The following PPP1R13B variants were observed in gnomAD, a reference collection of about 807,000 sequenced individuals.
PPP1R13B encodes apoptosis-stimulating of p53 protein 1.
In PPP1R13B, 44 loss-of-function variants were observed where a neutral mutation model predicts 119.8. The observed-to-expected ratio is 0.37, with a 90% CI of 0.29 to 0.47. PPP1R13B has a LOEUF of 0.47. Ranked by LOEUF, PPP1R13B falls within the 20% of genes least tolerant of loss-of-function variation. The probability of loss-of-function intolerance (pLI) is 0.99; values close to 1 mark genes in which losing one functional copy is unlikely to be tolerated. For synonymous variants in PPP1R13B, 542 were observed against 561.5 expected, an observed-to-expected ratio of 0.97 and a Z score of 0.49; for missense variants, 1,227 against 1,413.5, an observed-to-expected ratio of 0.87 and a Z score of 2.12.
chr14:103,733,955 A>ACT lies in PPP1R13B; in HGVS notation c.*1197_*1198dup, dbSNP rs1567074730. 1 of 158,502 alleles carries ACT rather than the reference A, an allele frequency of 6.3e-6. No individual in the cohort carries two copies. The highest frequency in any genetic ancestry group is 1.8e-4 in the East Asian group (1 of 5,512). The allele number at this position is 158,502 out of a possible 1,614,324, so 9.8% of individuals were successfully genotyped here. Reference sequence around the variant, plus strand: ...CACATTTTTACATAAATTACACACGACTCATACATGAAAAATAGAGCCTAA... The same window carrying ACT: ...CACATTTTTACATAAATTACACACGACTCTCATACATGAAAAATAGAGCCTAA... On this transcript the variant is annotated 3_prime_UTR_variant, in exon 17 of 17. Coordinates refer to ENST00000202556, the MANE Select transcript of PPP1R13B (RefSeq NM_015316.3).
At chr14:103,761,621 G>C (rs1406938852) in intron 4 of PPP1R13B, among the ~76,000 whole-genome samples, 1 of 151,962 alleles carries the variant, frequency 6.6e-6, no homozygotes, top group Non-Finnish European at 1.5e-5. Context: ...AAATTAGCCG[G>C]GCATGGTGGC....
intron 1 of PPP1R13B, among the ~76,000 whole-genome samples, chr14:103,819,060 A>G (rs575999719): frequency 6.6e-6 from 1 of 152,318 alleles, no homozygotes; most frequent in South Asian, 2.1e-4. Context: ...AGCTTGAAGG[A>G]AGACCATTCA....
At chr14:103,831,101 G>A (rs1350326747) in intron 1 of PPP1R13B, among the ~76,000 whole-genome samples, 3 of 151,618 alleles carry the variant, frequency 2.0e-5, no homozygotes, top group African/African-American at 2.4e-5. Context: ...GTGCCACCAC[G>A]CCCAGCTGAT....
chr14:103,746,291 T>TTGGGGGGGGGGGGGGGGGGGG, intron 9 of PPP1R13B, 82 bp downstream of exon 9: 2 of 272,100 alleles, frequency 7.4e-6, no homozygotes, highest in East Asian at 9.6e-5. Context: ...CTCAGGAGCC[T>TTGGGGGGGGGGGGGGGGGGGG]GCCCCACCCC....
chr14:103,775,506 C>G (rs180671789), intron 4 of PPP1R13B, among the ~76,000 whole-genome samples: 1 of 152,236 alleles, frequency 6.6e-6, no homozygotes, highest in Non-Finnish European at 1.5e-5. Flanking sequence ...AACTCCTGAC[C>G]TCAGGTGATC....
intron 4 of PPP1R13B, among the ~76,000 whole-genome samples, chr14:103,771,602 C>T (rs912383258): frequency 4.0e-5 from 6 of 151,530 alleles, no homozygotes; most frequent in African/African-American, 1.5e-4. Flanking sequence ...TGCCTCATCC[C>T]CCTGAGTAGT....
Position 103,733,263 on chromosome 14 carries a change from AG to A in PPP1R13B, c.*1890del. On this transcript the variant is annotated 3_prime_UTR_variant, in exon 17 of 17. Transcript: ENST00000202556. ...TTGTCAATACTTAATTGGGGGTGGG[AG>A]AGACTGAGCTACACTACTGCTAAAC... The A allele has an allele frequency of 1.9e-6, 1 of 531,194 alleles. No homozygotes were observed. The highest frequency in any genetic ancestry group is 3.3e-6 in the Non-Finnish European group (1 of 299,458). The allele number at this position is 531,194 out of a possible 1,614,324, so 32.9% of individuals were successfully genotyped here. A position where few individuals can be genotyped will look rare whatever the true frequency, so the allele number is the denominator to read the frequency against.
Position 103,734,851 on chromosome 14 carries a change from AC to A in PPP1R13B, c.*302del, listed in dbSNP as rs774098382. Reference sequence around the variant, plus strand: ...GAGCTTCTGTCTTCACTGGCAACCAACCGGGGGTTATGGGACTTCTTAATGG... The same window carrying A: ...GAGCTTCTGTCTTCACTGGCAACCAACGGGGGTTATGGGACTTCTTAATGG... On this transcript the variant is annotated 3_prime_UTR_variant, in exon 17 of 17. Coordinates refer to ENST00000202556, the MANE Select transcript of PPP1R13B (RefSeq NM_015316.3). The A allele has an allele frequency of 1.0e-4, 50 of 495,338 alleles. No homozygotes were observed. The highest frequency in any genetic ancestry group is 1.9e-4 in the Admixed American group (8 of 41,046). The allele number at this position is 495,338 out of a possible 1,614,324, so 30.7% of individuals were successfully genotyped here.
At chr14:103,838,550 A>C (rs2086830104) in intron 1 of PPP1R13B, among the ~76,000 whole-genome samples, 1 of 152,226 alleles carries the variant, frequency 6.6e-6, no homozygotes, top group African/African-American at 2.4e-5. Flanking sequence ...ACTGAAAACC[A>C]ATGAACTGTA....
At chr14:103,783,819 G>C (rs2085390445) in intron 3 of PPP1R13B, among the ~76,000 whole-genome samples, 1 of 152,174 alleles carries the variant, frequency 6.6e-6, no homozygotes, top group Non-Finnish European at 1.5e-5. Context: ...TCAAAGTGCT[G>C]AAATTACTAG....
intron 1 of PPP1R13B, among the ~76,000 whole-genome samples, chr14:103,811,488 G>A (rs1010870084): frequency 2.6e-5 from 4 of 152,024 alleles, no homozygotes; most frequent in African/African-American, 9.7e-5. Context: ...AAGAGTTCGA[G>A]AACAGTCTGA....
intron 9 of PPP1R13B, among the ~76,000 whole-genome samples, chr14:103,745,819 GTTTTT>G (rs963270981): frequency 6.6e-6 from 1 of 151,784 alleles, no homozygotes; most frequent in Non-Finnish European, 1.5e-5. Context: ...GTTTTGTTTT[GTTTTT>G]TTTGAGATGA....
chr14:103,829,971 G>T (rs1217135880), intron 1 of PPP1R13B, among the ~76,000 whole-genome samples: 2 of 151,928 alleles, frequency 1.3e-5, no homozygotes, highest in Non-Finnish European at 2.9e-5. Flanking sequence ...TAGAGACAGG[G>T]TTTCACCGTG....
upstream of PPP1R13B, chr14:103,847,727 C>T (rs2087098969): frequency 2.7e-6 from 2 of 734,176 alleles, no homozygotes; most frequent in Non-Finnish European, 3.3e-6. Flanking sequence ...GCTACCCTCG[C>T]TCTCAGCGGC....
At chr14:103,760,506 C>T (rs1241775522) in intron 4 of PPP1R13B, among the ~76,000 whole-genome samples, 3 of 152,182 alleles carry the variant, frequency 2.0e-5, no homozygotes, top group Non-Finnish European at 4.4e-5. Context: ...GTTAAATTAG[C>T]AGAAAAGTTT....
chr14:103,848,780 C>T (rs578160844), upstream of PPP1R13B, among the ~76,000 whole-genome samples: 6 of 152,330 alleles, frequency 3.9e-5, no homozygotes, highest in East Asian at 1.2e-3. Flanking sequence ...CACCCCTGTC[C>T]CTCAGAGGCC....
At chr14:103,783,299 G>A (rs1387071129) in intron 3 of PPP1R13B, among the ~76,000 whole-genome samples, 3 of 151,542 alleles carry the variant, frequency 2.0e-5, no homozygotes, top group Non-Finnish European at 2.9e-5. Context: ...TCGCTCTGTC[G>A]CCCAGGCTGG....
At chr14:103,842,594 T>C (rs1282414529) in intron 1 of PPP1R13B, among the ~76,000 whole-genome samples, 2 of 149,226 alleles carry the variant, frequency 1.3e-5, no homozygotes, top group Non-Finnish European at 1.5e-5. Context: ...TGAGCCACCA[T>C]ACCAAGCCCA....
At chr14:103,758,054 A>T (rs2084719767) in intron 4 of PPP1R13B, among the ~76,000 whole-genome samples, 1 of 152,360 alleles carries the variant, frequency 6.6e-6, no homozygotes, top group South Asian at 2.1e-4. Flanking sequence ...TTTAGTAGGT[A>T]TATTTGAGCA....
Sources: allele counts gnomAD v4.1 joint callset (sites outside exome capture counted in the v4.1 genomes callset), GRCh38; gene constraint gnomAD v4.1.1; transcripts MANE v1.5; gene names NCBI Gene and HGNC (gene_info 2026-07-23, HGNC 2026-07-21).